SANBR: variants seen among roughly 807,000 people sequenced by gnomAD.
SANBR encodes SANT and BTB domain regulator of class switch recombination.
In SANBR, 77 loss-of-function variants were observed where a neutral mutation model predicts 101.8. The observed-to-expected ratio is 0.76, with a 90% CI of 0.63 to 0.91. The LOEUF is 0.91. Ranked by LOEUF, SANBR falls within the 40% of genes least tolerant of loss-of-function variation. SANBR has a pLI of 0.00. For missense variants in SANBR, 875 were observed against 853.0 expected (o/e 1.03, Z -0.32); for synonymous variants, 279 against 274.7 (o/e 1.02, Z -0.15).
At chr2:61,091,492 G>T (rs1682752812) in intron 10 of SANBR, among the ~76,000 whole-genome samples, 1 of 151,990 alleles carries the variant, frequency 6.6e-6, no homozygotes, top group Non-Finnish European at 1.5e-5. Context: ...TCCTCGGGAG[G>T]CTGAGGCAGG....
intron 7 of SANBR, among the ~76,000 whole-genome samples, chr2:61,082,737 T>C (rs1303459814): frequency 6.6e-6 from 1 of 152,086 alleles, no homozygotes; most frequent in Non-Finnish European, 1.5e-5. Context: ...GAGAATCGCT[T>C]GAACCCAGGA....
intron 4 of SANBR, among the ~76,000 whole-genome samples, chr2:61,072,942 G>T (rs72809453): frequency 0.11 from 16,041 of 146,036 alleles, 1,369 homozygotes; most frequent in East Asian, 0.42. Context: ...TCCTCCTGCC[G>T]CAGCCTCCTG....
At chr2:61,134,737 C>T (rs1257312709) in intron 21 of SANBR, among the ~76,000 whole-genome samples, 4 of 151,658 alleles carry the variant, frequency 2.6e-5, no homozygotes, top group Non-Finnish European at 5.9e-5. Flanking sequence ...ACTAAAAATA[C>T]AAAAATTAGC....
chr2:61,072,850 T>TTTTTTTTTTTTTA (rs59557585), intron 4 of SANBR, among the ~76,000 whole-genome samples: 2 of 105,246 alleles, frequency 1.9e-5, no homozygotes, highest in East Asian at 4.4e-4. Flanking sequence ...TTTTTTTTTT[T>TTTTTTTTTTTTTA]ATACAGGTAC....
chr2:61,069,148 T>C (rs1284941625), intron 2 of SANBR, among the ~76,000 whole-genome samples, 163 bp downstream of exon 2: 1 of 152,222 alleles, frequency 6.6e-6, no homozygotes, highest in Non-Finnish European at 1.5e-5. Context: ...ATAGTACTAA[T>C]TATAATTAAC....
At chr2:61,125,013 A>G (rs891517651), downstream of SANBR, among the ~76,000 whole-genome samples, 1 of 152,228 alleles carries the variant, frequency 6.6e-6, no homozygotes, top group Non-Finnish European at 1.5e-5. Context: ...ACCTTCAGCT[A>G]TTCACTGAGC....
intron 17 of SANBR, chr2:61,117,056 TC>T: frequency 2.7e-6 from 1 of 372,232 alleles, no homozygotes. Context: ...GACCCTGTCT[TC>T]AAAAAAAAAA....
intron 6 of SANBR, among the ~76,000 whole-genome samples, chr2:61,078,239 G>C (rs562645960): frequency 6.6e-6 from 1 of 152,070 alleles, no homozygotes; most frequent in South Asian, 2.1e-4. Context: ...TGTTATTAAC[G>C]GAGTCAGAAA....
chr2:61,101,476 G>C (rs145074607), intron 12 of SANBR, among the ~76,000 whole-genome samples: 1 of 152,234 alleles, frequency 6.6e-6, no homozygotes, highest in Non-Finnish European at 1.5e-5. Flanking sequence ...GCTCACGCCT[G>C]TAATCCCAGC....
At position 61,123,282 on chromosome 2, in the gene SANBR, C is replaced by A. The variant is rs774419135; in HGVS notation, c.*1120C>A. 4.3e-5 allele frequency: 42 copies of A among 981,020 alleles called. No individual in the cohort carries two copies. The highest frequency in any genetic ancestry group is 1.2e-4 in the Admixed American group (2 of 16,234). The allele number at this position is 981,020 out of a possible 1,614,324, so 60.8% of individuals were successfully genotyped here. On this transcript the variant is annotated 3_prime_UTR_variant, in exon 22 of 22. Coordinates refer to ENST00000402291, the MANE Select transcript of SANBR (RefSeq NM_001129993.3). ...ATTTGCCTTATAACTGACATTTCTTCAAATTATTCAGAGAACAGACTTTAA... is the reference window on the plus strand; with the variant it reads ...ATTTGCCTTATAACTGACATTTCTTAAAATTATTCAGAGAACAGACTTTAA...
At chr2:61,105,343 G>T (rs1302346549) in intron 13 of SANBR, among the ~76,000 whole-genome samples, 1 of 151,726 alleles carries the variant, frequency 6.6e-6, no homozygotes, top group Non-Finnish European at 1.5e-5. Flanking sequence ...TCCAGCCTGG[G>T]TGACAGAGGG....
chr2:61,119,680 G>A (rs1684243328), intron 20 of SANBR, among the ~76,000 whole-genome samples: 3 of 152,176 alleles, frequency 2.0e-5, no homozygotes, highest in East Asian at 1.9e-4. Context: ...AAATGAGGCC[G>A]GATACAGTGG....
At chr2:61,136,310 A>G (rs1261072414) in intron 21 of SANBR, among the ~76,000 whole-genome samples, 2 of 150,910 alleles carry the variant, frequency 1.3e-5, no homozygotes, top group African/African-American at 4.9e-5. Context: ...CTGAAAAAAA[A>G]AAAAAGAAAA....
At position 61,077,129 on chromosome 2, in the gene SANBR, A is replaced by C; in HGVS notation, c.641A>C (p.Glu214Ala). The C allele has an allele frequency of 6.2e-7, 1 of 1,612,144 alleles. No homozygotes were observed. The highest frequency in any genetic ancestry group is 8.5e-7 in the Non-Finnish European group (1 of 1,178,604). The change falls in exon 6 of 22, where the codon GAG (glutamate) becomes GCG (alanine). Residue 214 changes from glutamate to alanine, a missense_variant. By Grantham distance (107) the Glu-to-Ala change is moderately radical. Coordinates refer to ENST00000402291, the MANE Select transcript of SANBR (RefSeq NM_001129993.3). ...AAATACATTAAAAGGAACACTAAGG[A>C]GAATAAAGATTGTGAGATGCCCACT... Reference protein sequence around the residue: ...LIKYIKRNTKENKDCEMPTLE... With the variant: ...LIKYIKRNTKANKDCEMPTLE...
intron 1 of SANBR, among the ~76,000 whole-genome samples, chr2:61,068,567 C>T (rs1681299326): frequency 1.3e-5 from 2 of 152,194 alleles, no homozygotes; most frequent in Admixed American, 6.5e-5. Flanking sequence ...ATAGCTGAGA[C>T]CATTGGAGCC....
In SANBR at chr2:61,103,878, T is replaced by C; in HGVS notation, c.1391T>C (p.Val464Ala). 1 of 1,614,238 alleles carries C rather than the reference T, an allele frequency of 6.2e-7. No individual in the cohort carries two copies. The highest frequency in any genetic ancestry group is 8.5e-7 in the Non-Finnish European group (1 of 1,180,032). The change falls in exon 13 of 22, where the codon GTT (valine) becomes GCT (alanine). Residue 464 changes from valine (V) to alanine (A), a missense_variant. Coordinates refer to ENST00000402291, the MANE Select transcript of SANBR (RefSeq NM_001129993.3). ...TKGCKVRDHM[V>A]TLRDQGEGGD... is the part of the protein sequence containing the mutation. Reference sequence around the variant, plus strand: ...GGCTGTAAAGTGAGGGACCACATGGTTACACTTCGTGATCAAGGTGAAGGC... The same window carrying C: ...GGCTGTAAAGTGAGGGACCACATGGCTACACTTCGTGATCAAGGTGAAGGC...
chr2:61,092,200 A>C (rs1371446117), intron 10 of SANBR, among the ~76,000 whole-genome samples: 1 of 152,224 alleles, frequency 6.6e-6, no homozygotes, highest in Admixed American at 6.5e-5. Context: ...TTGTCCACCA[A>C]ATATACAAAC....
In SANBR at chr2:61,121,283, C is replaced by G; in HGVS notation, c.2120+7C>G. On this transcript the variant is annotated splice_region_variant and intron_variant, in intron 21 of 21. Transcript: ENST00000402291. ...GCTCAGAGAAAAACACAAGGTAAAT[C>G]AGCATAAACTAAACCAGAGTGTCAG... 6.5e-7 allele frequency: 1 copy of G among 1,547,002 alleles called. No individual in the cohort carries two copies. Among genetic ancestry groups the G allele is most frequent in the African/African-American group, 1.4e-5 (1 of 72,996 alleles).
At chr2:61,119,937 G>A (rs1684254788) in intron 20 of SANBR, among the ~76,000 whole-genome samples, 1 of 152,148 alleles carries the variant, frequency 6.6e-6, no homozygotes, top group South Asian at 2.1e-4. Context: ...ACTCCTGCCT[G>A]GGCAACAGAA....
Sources: gnomAD v4.1 joint callset for allele counts (sites outside exome capture counted in the v4.1 genomes callset) on GRCh38, gnomAD v4.1.1 for gene constraint, MANE v1.5 for transcripts, NCBI Gene and HGNC (gene_info 2026-07-23, HGNC 2026-07-21) for gene names.